The following B3GALT1 variants were observed in gnomAD, a reference collection of about 807,000 sequenced individuals.
The protein encoded by B3GALT1 is UDP-Gal:betaGlcNAc beta 1,3-galactosyltransferase, polypeptide 1.
Under a neutral mutation model 23.2 loss-of-function variants are expected in B3GALT1, and 10 were observed. That is an observed-to-expected ratio of 0.43 (90% CI 0.27 to 0.73). The LOEUF is 0.73. Ranked by LOEUF, B3GALT1 falls within the 30% of genes least tolerant of loss-of-function variation. B3GALT1 has a pLI of 0.21. For missense variants in B3GALT1, 299 were observed against 405.4 expected, an observed-to-expected ratio of 0.74 and a Z score of 2.25; for synonymous variants, 156 against 141.5, an observed-to-expected ratio of 1.10 and a Z score of -0.73.
chr2:167,716,223 A>T (rs573621108), intron 3 of B3GALT1, among the ~76,000 whole-genome samples: 3 of 151,794 alleles, frequency 2.0e-5, no homozygotes, highest in Non-Finnish European at 4.4e-5. Context: ...GAATGCGGGC[A>T]CCCCCCACAG....
At chr2:167,551,012 A>G (rs1055709900) in intron 2 of B3GALT1, among the ~76,000 whole-genome samples, 21 of 151,870 alleles carry the variant, frequency 1.4e-4, no homozygotes, top group African/African-American at 4.9e-4. Context: ...ACAGACCTCT[A>G]CTGGATATTC....
intron 2 of B3GALT1, among the ~76,000 whole-genome samples, chr2:167,597,865 C>T (rs1684807571): frequency 6.6e-6 from 1 of 152,124 alleles, no homozygotes; most frequent in Non-Finnish European, 1.5e-5. Flanking sequence ...AAATAGTTAG[C>T]AACTTAAATC....
chr2:167,578,115 T>C (rs1684416802), intron 2 of B3GALT1, among the ~76,000 whole-genome samples: 1 of 151,998 alleles, frequency 6.6e-6, no homozygotes, highest in Non-Finnish European at 1.5e-5. Context: ...TTTTTCATTT[T>C]ATCAGTGCTC....
At chr2:167,330,996 G>A (rs1225842496) in intron 1 of B3GALT1, among the ~76,000 whole-genome samples, 1 of 151,840 alleles carries the variant, frequency 6.6e-6, no homozygotes, top group Admixed American at 6.6e-5. Flanking sequence ...TCATATGGAC[G>A]GATGTTTTTT....
At chr2:167,675,234 A>G (rs1012733640) in intron 3 of B3GALT1, among the ~76,000 whole-genome samples, 4 of 152,236 alleles carry the variant, frequency 2.6e-5, no homozygotes, top group Non-Finnish European at 5.9e-5. Context: ...TTCCCATTTC[A>G]CCATAGTGTA....
intron 1 of B3GALT1, among the ~76,000 whole-genome samples, chr2:167,465,880 C>T (rs1288397864): frequency 6.6e-6 from 1 of 151,728 alleles, no homozygotes; most frequent in Admixed American, 6.6e-5. Flanking sequence ...TTTTCCTCTT[C>T]TTTTCAATAA....
chr2:167,753,166 A>G (rs7570461), intron 3 of B3GALT1, among the ~76,000 whole-genome samples: 10,642 of 152,264 alleles, frequency 0.07, 1,171 homozygotes, highest in African/African-American at 0.23. Context: ...TTTGAAATTT[A>G]GGATTATGAG....
intron 2 of B3GALT1, among the ~76,000 whole-genome samples, chr2:167,616,659 C>T (rs1349834337): frequency 1.3e-5 from 2 of 152,054 alleles, no homozygotes; most frequent in Non-Finnish European, 2.9e-5. Flanking sequence ...CACGCCATTA[C>T]ACTACAGTCT....
chr2:167,841,667 C>T (rs144897330), intron 4 of B3GALT1, among the ~76,000 whole-genome samples: 48 of 152,312 alleles, frequency 3.2e-4, no homozygotes, highest in Admixed American at 9.8e-4. Context: ...GTAAGGAGCA[C>T]GTTCCAGGCT....
At chr2:167,857,944 C>G (rs1454368028) in intron 4 of B3GALT1, among the ~76,000 whole-genome samples, 1 of 151,968 alleles carries the variant, frequency 6.6e-6, no homozygotes, top group African/African-American at 2.4e-5. Context: ...CCTTGACAAG[C>G]CTATGAAGAA....
chr2:167,507,785 A>G (rs1406826120), intron 2 of B3GALT1, among the ~76,000 whole-genome samples: 1 of 152,196 alleles, frequency 6.6e-6, no homozygotes, highest in Non-Finnish European at 1.5e-5. Context: ...AAGACAAACC[A>G]TAATTGTCTT....
chr2:167,696,102 A>G (rs1285863941), intron 3 of B3GALT1, among the ~76,000 whole-genome samples: 1 of 152,122 alleles, frequency 6.6e-6, no homozygotes, highest in African/African-American at 2.4e-5. Context: ...AGAATGAAAG[A>G]ATGGACATTG....
intron 2 of B3GALT1, among the ~76,000 whole-genome samples, chr2:167,591,255 C>T (rs1684673507): frequency 6.6e-6 from 1 of 151,768 alleles, no homozygotes; most frequent in Non-Finnish European, 1.5e-5. Flanking sequence ...TAAAGACTTC[C>T]CATTCAAAAG....
At chr2:167,303,974 A>C (rs1367967891) in intron 1 of B3GALT1, among the ~76,000 whole-genome samples, 1 of 152,108 alleles carries the variant, frequency 6.6e-6, no homozygotes, top group East Asian at 1.9e-4. Flanking sequence ...CTGACAAAGA[A>C]GACTCATCAG....
At chr2:167,627,762 G>A (rs1373434960) in intron 2 of B3GALT1, among the ~76,000 whole-genome samples, 1 of 151,548 alleles carries the variant, frequency 6.6e-6, no homozygotes, top group Non-Finnish European at 1.5e-5. Flanking sequence ...ATCATTTTCT[G>A]ATGTGGCTGT....
intron 2 of B3GALT1, among the ~76,000 whole-genome samples, chr2:167,619,551 A>G (rs1423110556): frequency 6.6e-6 from 1 of 152,120 alleles, no homozygotes; most frequent in Non-Finnish European, 1.5e-5. Flanking sequence ...TATATTATAT[A>G]GTACATTGTG....
chr2:167,429,600 A>G (rs1026973457), intron 1 of B3GALT1, among the ~76,000 whole-genome samples: 6 of 152,114 alleles, frequency 3.9e-5, no homozygotes, highest in African/African-American at 9.7e-5. Context: ...AATAAGCACA[A>G]TGGCCATATG....
chr2:167,576,398 T>C (rs1684387091), intron 2 of B3GALT1, among the ~76,000 whole-genome samples: 2 of 151,806 alleles, frequency 1.3e-5, no homozygotes, highest in African/African-American at 2.4e-5. Context: ...CTGATTGCTT[T>C]AGCTGGATAA....
chr2:167,495,729 G>T (rs982644430), intron 2 of B3GALT1, among the ~76,000 whole-genome samples: 1 of 152,090 alleles, frequency 6.6e-6, no homozygotes, highest in African/African-American at 2.4e-5. Flanking sequence ...TTTTATCCTA[G>T]CTTTGAGGCA....
Sources: allele counts gnomAD v4.1 joint callset (sites outside exome capture counted in the v4.1 genomes callset), GRCh38; gene constraint gnomAD v4.1.1; transcripts MANE v1.5; gene names NCBI Gene and HGNC (gene_info 2026-07-23, HGNC 2026-07-21).